RAD18: variants seen among roughly 807,000 people sequenced by gnomAD.
RAD18 encodes E3 ubiquitin-protein ligase RAD18.
Under a neutral mutation model 60.4 loss-of-function variants are expected in RAD18, and 47 were observed. The observed-to-expected ratio is 0.78, with a 90% CI of 0.62 to 0.99. The LOEUF (loss-of-function observed/expected upper bound fraction) is 0.99. RAD18 is among the 50% of genes least tolerant of loss of function. The pLI is 0.00. For missense variants in RAD18, 640 were observed against 593.3 expected, an observed-to-expected ratio of 1.08 and a Z score of -0.82; for synonymous variants, 225 against 195.5, an observed-to-expected ratio of 1.15 and a Z score of -1.26.
At chr3:8,940,389 T>G (rs527965193) in intron 5 of RAD18, among the ~76,000 whole-genome samples, 14 of 152,280 alleles carry the variant, frequency 9.2e-5, no homozygotes, top group African/African-American at 3.1e-4. Context: ...AGCTAAAAAA[T>G]ACTACAATAA....
In RAD18 at chr3:8,899,047, C is replaced by T. The variant is rs2125050099; in HGVS notation, c.1169G>A (p.Gly390Glu). The change falls in exon 11 of 13, where the codon GGA (glycine) becomes GAA (glutamate). Residue 390 changes from glycine (G) to glutamate (E), a missense_variant and splice_region_variant. Physicochemically the swap from Gly to Glu is moderately conservative, Grantham distance 98. Coordinates refer to ENST00000264926, the MANE Select transcript of RAD18 (RefSeq NM_020165.4). Reference sequence around the variant, plus strand: ...TACTGAGGTCATATTATCTTCCTGTCCTAGGAAAAAATAAATTTAAGAGTA... The same window carrying T: ...TACTGAGGTCATATTATCTTCCTGTTCTAGGAAAAAATAAATTTAAGAGTA... ...STEKLSSVCM[G>E]QEDNMTSVTN... The T allele has an allele frequency of 6.4e-7, 1 of 1,568,306 alleles. No homozygotes were observed. Among genetic ancestry groups the T allele is most frequent in the Non-Finnish European group, 8.6e-7 (1 of 1,158,452 alleles).
Position 8,898,880 on chromosome 3 carries a change from T to G in RAD18, c.1322+14A>C. ...GTAGATATTTAAAATAATCAACTAC[T>G]GCATGTTTCTTACCTATTGCATGAA... On this transcript the variant is annotated intron_variant, in intron 11 of 12. Coordinates refer to ENST00000264926, the MANE Select transcript of RAD18 (RefSeq NM_020165.4). The G allele has an allele frequency of 1.9e-6, 3 of 1,541,054 alleles. No homozygotes were observed. Among genetic ancestry groups the G allele is most frequent in the Non-Finnish European group, 2.6e-6 (3 of 1,135,442 alleles).
chr3:8,941,853 T>C, intron 4 of RAD18, 49 bp from the exon 5 acceptor site: 1 of 1,469,372 alleles, frequency 6.8e-7, no homozygotes, highest in Non-Finnish European at 9.3e-7. Flanking sequence ...CAATTTTACA[T>C]CATAAATTAA....
At chr3:8,910,490 G>A (rs545455237) in intron 9 of RAD18, among the ~76,000 whole-genome samples, 4 of 151,850 alleles carry the variant, frequency 2.6e-5, no homozygotes, top group East Asian at 3.9e-4. Flanking sequence ...CTCAGGAGGC[G>A]CCAGCTACTC....
At chr3:8,895,350 A>G (rs1939765887) in intron 11 of RAD18, among the ~76,000 whole-genome samples, 1 of 152,236 alleles carries the variant, frequency 6.6e-6, no homozygotes, top group Admixed American at 6.5e-5. Context: ...GATTTTAAAA[A>G]ATACAAAGCC....
At chr3:8,904,076 G>A (rs1939962510) in intron 9 of RAD18, among the ~76,000 whole-genome samples, 1 of 152,164 alleles carries the variant, frequency 6.6e-6, no homozygotes, top group Admixed American at 6.5e-5. Context: ...ATCCTGTTGG[G>A]TGGAGGTTCA....
intron 2 of RAD18, among the ~76,000 whole-genome samples, chr3:8,955,229 G>A (rs1180838364): frequency 6.6e-6 from 1 of 152,154 alleles, no homozygotes; most frequent in East Asian, 1.9e-4. Context: ...TCACTGGCCA[G>A]TGTGCCTCCC....
intron 8 of RAD18, 76 bp from the exon 9 acceptor site, chr3:8,912,448 T>C: frequency 2.9e-6 from 3 of 1,020,360 alleles, no homozygotes; most frequent in Non-Finnish European, 4.3e-6. Context: ...AACCTTCAAA[T>C]CTCAAATGTG....
rs1427073855 is a variant in RAD18 at position 8,958,994 on chromosome 3, T to C, written c.59A>G (p.Asp20Gly). The C allele has an allele frequency of 6.2e-7, 1 of 1,613,478 alleles. No homozygotes were observed. Among genetic ancestry groups the C allele is most frequent in the Admixed American group, 1.7e-5 (1 of 60,014 alleles). ...PPGLAVMKTI[D>G]DLLRCGICFE... ...GCAAATTCCACACCGCAGCAAATCA[T>C]CTATTGTCTGAAATGCAAATATGCA... Residue 20 changes from aspartate to glycine, a missense_variant, in exon 2 of 13, where the codon GAT becomes GGT. Asp to Gly is a moderately conservative substitution (Grantham distance 94, BLOSUM62 -1). Transcript: ENST00000264926.
rs377003527 is a variant in RAD18 at position 8,899,676 on chromosome 3, A to G, written c.1169-629T>C. ...AGACCCCAAAAAGCTGGAAGGATGC[A>G]GTGTTTACAAAAATGTGGCATATGG... is the stretch of plus-strand genomic sequence containing the variant. On this transcript the variant is annotated intron_variant, in intron 10 of 12. Transcript: ENST00000264926. 9.8e-5 allele frequency among the ~76,000 whole-genome samples: 15 copies of G among 152,356 alleles called. No individual in the cohort carries two copies. In the East Asian group the frequency reaches 1.5e-3, roughly 16 times the overall value.
intron 2 of RAD18, among the ~76,000 whole-genome samples, chr3:8,952,595 T>C (rs1186051040): frequency 6.6e-6 from 1 of 152,216 alleles, no homozygotes; most frequent in Admixed American, 6.5e-5. Flanking sequence ...AGTTGAATTA[T>C]ATGAAACTGA....
intron 2 of RAD18, among the ~76,000 whole-genome samples, chr3:8,957,119 T>C (rs925845828): frequency 2.6e-5 from 4 of 152,188 alleles, no homozygotes; most frequent in African/African-American, 9.6e-5. Flanking sequence ...GAAAGGTCAA[T>C]ATAAGTTATA....
At chr3:8,935,085 C>T (rs1940625131) in intron 7 of RAD18, among the ~76,000 whole-genome samples, 1 of 152,156 alleles carries the variant, frequency 6.6e-6, no homozygotes, top group Non-Finnish European at 1.5e-5. Context: ...GCAGATAGGG[C>T]TTTTGGGACG....
intron 3 of RAD18, 66 bp downstream of exon 3, chr3:8,948,443 C>T (rs1321453837): frequency 8.7e-6 from 12 of 1,380,638 alleles, no homozygotes; most frequent in East Asian, 4.6e-5. Flanking sequence ...CAGGCTTTTA[C>T]GTATACACAA....
intron 12 of RAD18, among the ~76,000 whole-genome samples, chr3:8,888,774 G>T (rs1575531754): frequency 6.6e-6 from 1 of 152,276 alleles, no homozygotes; most frequent in East Asian, 1.9e-4. Context: ...AAAACAAATG[G>T]GTTGGGCTAG....
intron 4 of RAD18, 144 bp from the exon 5 acceptor site, chr3:8,941,948 T>C (rs898604599): frequency 1.4e-6 from 1 of 724,238 alleles, no homozygotes; most frequent in African/African-American, 1.8e-5. Flanking sequence ...AAGTTTCTTC[T>C]AGTATAACTC....
intron 7 of RAD18, among the ~76,000 whole-genome samples, chr3:8,928,465 T>A (rs188135904): frequency 6.6e-6 from 1 of 152,076 alleles, no homozygotes; most frequent in East Asian, 1.9e-4. Flanking sequence ...GTATAATAGG[T>A]TTAAAGAAAA....
chr3:8,883,955 T>G (rs1304527108), intron 12 of RAD18, among the ~76,000 whole-genome samples: 2 of 152,138 alleles, frequency 1.3e-5, no homozygotes, highest in Non-Finnish European at 1.5e-5. Flanking sequence ...AAGATAGTCT[T>G]GCAAGTAGAG....
At chr3:8,922,301 G>C (rs1940336908) in intron 7 of RAD18, among the ~76,000 whole-genome samples, 1 of 152,246 alleles carries the variant, frequency 6.6e-6, no homozygotes, top group Admixed American at 6.5e-5. Flanking sequence ...TCCCGTGCCT[G>C]GCTCGGAGGG....
Sources: allele counts gnomAD v4.1 joint callset (sites outside exome capture counted in the v4.1 genomes callset), GRCh38; gene constraint gnomAD v4.1.1; transcripts MANE v1.5; gene names NCBI Gene and HGNC (gene_info 2026-07-23, HGNC 2026-07-21).